Variants in MTG1 observed in about 807,000 individuals in gnomAD.
MTG1 encodes mitochondrial ribosome-associated GTPase 1.
A neutral mutation model predicts 39.5 loss-of-function variants in MTG1; 30 were observed. The observed-to-expected ratio is 0.76, with a 90% CI of 0.57 to 1.03. MTG1 has a LOEUF of 1.03. Among genes scored for constraint, MTG1 ranks in the 50% least tolerant of loss-of-function variants. MTG1 has a pLI of 0.00. For synonymous variants in MTG1, 217 were observed against 179.0 expected, an observed-to-expected ratio of 1.21 and a Z score of -1.69; for missense variants, 513 against 447.4, an observed-to-expected ratio of 1.15 and a Z score of -1.32.
intron 9 of MTG1, among the ~76,000 whole-genome samples, chr10:133,411,501 TTTTTCTG>T (rs1850045896): frequency 2.0e-5 from 3 of 152,280 alleles, no homozygotes; most frequent in Admixed American, 6.5e-5. Context: ...GGTTTGAAAA[TTTTTCTG>T]TAATTATTTC....
Position 133,408,747 on chromosome 10 carries a change from T to G in MTG1, c.752+5974T>G, listed in dbSNP as rs574551271. Among the ~76,000 whole-genome samples, 3 of 152,338 alleles carry G rather than the reference T, an allele frequency of 2.0e-5. No homozygotes were observed. The East Asian group carries it at 5.8e-4, about 29-fold the overall frequency. ...TTACTTATTATCGATCTGTTCAAGT[T>G]TTTCCATTTCTTCATGGCTCAGTCT... On this transcript the variant is annotated intron_variant, in intron 9 of 10. Coordinates refer to ENST00000317502, the MANE Select transcript of MTG1 (RefSeq NM_138384.4).
chr10:133,401,405 T>C, intron 6 of MTG1, 124 bp from the exon 7 acceptor site: 1 of 747,106 alleles, frequency 1.3e-6, no homozygotes. Context: ...GCTGGTAAGT[T>C]GTGTTTGTTA....
At chr10:133,401,477 C>CCAG (rs1474503901) in intron 6 of MTG1, 52 bp from the exon 7 acceptor site, 1 of 1,466,674 alleles carries the variant, frequency 6.8e-7, no homozygotes, top group Non-Finnish European at 9.2e-7. Flanking sequence ...ACTTGTTCTG[C>CCAG]AGCTTCTGTG....
intron 9 of MTG1, among the ~76,000 whole-genome samples, chr10:133,408,950 T>C (rs989859883): frequency 1.3e-5 from 2 of 152,180 alleles, no homozygotes; most frequent in African/African-American, 4.8e-5. Flanking sequence ...TCTAGCTAAA[T>C]GTTTGTGGAT....
intron 9 of MTG1, among the ~76,000 whole-genome samples, chr10:133,410,117 C>G (rs1197800001): frequency 6.6e-6 from 1 of 152,134 alleles, no homozygotes; most frequent in Admixed American, 6.5e-5. Context: ...GTGATCATAG[C>G]TCACTGTAGC....
Position 133,421,252 on chromosome 10 carries a change from T to TG in MTG1, c.*1091dup, listed in dbSNP as rs1448030583. On this transcript the variant is annotated 3_prime_UTR_variant, in exon 11 of 11. Transcript: ENST00000317502. Reference sequence around the variant, plus strand: ...GCATCGTGCCATAACCCTGACCGCCTGGGGCAGGAAGTATTCAGGTTGGCT... The same window carrying TG: ...GCATCGTGCCATAACCCTGACCGCCTGGGGGCAGGAAGTATTCAGGTTGGCT... 1.3e-5 allele frequency: 2 copies of TG among 152,826 alleles called. No individual in the cohort carries two copies. The highest frequency in any genetic ancestry group is 2.9e-5 in the Non-Finnish European group (2 of 68,166). 9.5% of individuals were successfully genotyped at this position (152,826 alleles called of 1,614,324 possible).
At chr10:133,396,339 G>C in intron 3 of MTG1, 72 bp downstream of exon 3, 1 of 1,318,344 alleles carries the variant, frequency 7.6e-7, no homozygotes, top group Non-Finnish European at 1.1e-6. Context: ...TCTAACGGAA[G>C]AGTTGCCGGA....
intron 5 of MTG1, 54 bp downstream of exon 5, chr10:133,399,280 GC>G: frequency 1.3e-6 from 2 of 1,587,908 alleles, no homozygotes; most frequent in Non-Finnish European, 1.7e-6. Flanking sequence ...GGATGGGCCA[GC>G]CCCTCCTGCC....
chr10:133,415,288 C>G (rs1390077743), intron 9 of MTG1, among the ~76,000 whole-genome samples: 1 of 152,214 alleles, frequency 6.6e-6, no homozygotes, highest in Non-Finnish European at 1.5e-5. Flanking sequence ...TCCAGGTTTC[C>G]TTCTGGTGTG....
At chr10:133,419,376 G>T (rs1449511936) in intron 9 of MTG1, 104 bp from the exon 10 acceptor site, 10 of 855,378 alleles carry the variant, frequency 1.2e-5, no homozygotes, top group Non-Finnish European at 1.8e-5. Context: ...CACAGGAGGT[G>T]CCTGGCCGTG....
chr10:133,418,076 C>T (rs753275723), intron 9 of MTG1, among the ~76,000 whole-genome samples: 110 of 152,300 alleles, frequency 7.2e-4, no homozygotes, highest in Non-Finnish European at 1.4e-3. Context: ...CAATCTCAGC[C>T]CACTGCAGCC....
chr10:133,398,665 G>T (rs896128052), intron 4 of MTG1, 150 bp downstream of exon 4: 15 of 833,452 alleles, frequency 1.8e-5, no homozygotes, highest in African/African-American at 1.7e-4. Context: ...GCGATCTCCT[G>T]GGGCAAGTGG....
intron 3 of MTG1, among the ~76,000 whole-genome samples, chr10:133,397,783 T>TG (rs1849809452): frequency 6.6e-6 from 1 of 151,570 alleles, no homozygotes; most frequent in Non-Finnish European, 1.5e-5. Flanking sequence ...CAGCCTGTTT[T>TG]TTTTTTTTTT....
Position 133,420,405 on chromosome 10 carries a change from TC to T in MTG1, c.*243del. The T allele has an allele frequency of 2.3e-6, 1 of 439,174 alleles. No homozygotes were observed. The highest frequency in any genetic ancestry group is 4.0e-5 in the Admixed American group (1 of 25,032). 27.2% of individuals were successfully genotyped at this position (439,174 alleles called of 1,614,324 possible). A position where few individuals can be genotyped will look rare whatever the true frequency, so the allele number is the denominator to read the frequency against. ...CTGAGCAGCTCCGCATGCTTGGTTC[TC>T]CCGGAGCTTCCTGCTCAGGCCTCTT... On this transcript the variant is annotated 3_prime_UTR_variant, in exon 11 of 11. Coordinates refer to ENST00000317502, the MANE Select transcript of MTG1 (RefSeq NM_138384.4).
At chr10:133,395,959 C>T (rs1022847400) in intron 2 of MTG1, among the ~76,000 whole-genome samples, 182 bp downstream of exon 2, 1 of 152,144 alleles carries the variant, frequency 6.6e-6, no homozygotes, top group African/African-American at 2.4e-5. Context: ...CATATATCTG[C>T]GTCACTCAAG....
In MTG1 at chr10:133,420,256, A is replaced by G. The variant is rs1207262427; in HGVS notation, c.*91A>G. 1.4e-6 allele frequency: 2 copies of G among 1,444,774 alleles called. No homozygotes were observed. The highest frequency in any genetic ancestry group is 1.8e-6 in the Non-Finnish European group (2 of 1,083,860). The allele number at this position is 1,444,774 out of a possible 1,614,324, so 89.5% of individuals were successfully genotyped here. On this transcript the variant is annotated 3_prime_UTR_variant, in exon 11 of 11. Transcript: ENST00000317502. The stretch of plus-strand genomic sequence containing the variant: ...GCTCAAGACAGCTCACCCGGTCCAG[A>G]AGCTCCATGCTGGTCACTAGGGTGC...
At position 133,421,900 on chromosome 10, in the gene MTG1, C is replaced by CGGGGGGGGGGGGGGGGGGGG. The variant is rs147046336; in HGVS notation, c.*1737_*1738insGGGGGGGGGGGGGGGGGGGG. On this transcript the variant is annotated 3_prime_UTR_variant, in exon 11 of 11. Transcript: ENST00000317502. ...TGGAGAGGGTGAGATCCCAAGGCCA[C>CGGGGGGGGGGGGGGGGGGGG]GGCGGGGGGCAGGGAGAACCCCTCC... 8.6e-6 allele frequency: 1 copy of CGGGGGGGGGGGGGGGGGGGG among 115,848 alleles called. No homozygotes were observed. 7.2% of individuals were successfully genotyped at this position (115,848 alleles called of 1,614,324 possible). A position where few individuals can be genotyped will look rare whatever the true frequency, so the allele number is the denominator to read the frequency against.
chr10:133,402,524 C>A lies in MTG1; in HGVS notation c.671-168C>A. The A allele has an allele frequency of 1.4e-6, 1 of 721,458 alleles. No individual in the cohort carries two copies. The highest frequency in any genetic ancestry group is 2.3e-6 in the Non-Finnish European group (1 of 435,610). The allele number at this position is 721,458 out of a possible 1,614,324, so 44.7% of individuals were successfully genotyped here. A position where few individuals can be genotyped will look rare whatever the true frequency, so the allele number is the denominator to read the frequency against. ...CGCAGGTGCCAGGCAGGAGTGGGGGCCGGGACCACAGCCGAGTGCCGTCCT... is the reference window on the plus strand; with the variant it reads ...CGCAGGTGCCAGGCAGGAGTGGGGGACGGGACCACAGCCGAGTGCCGTCCT... On this transcript the variant is annotated intron_variant, in intron 8 of 10. Transcript: ENST00000317502. This position sits in a 1 kb window ranked among gnomAD's most constrained non-coding sequence, Gnocchi z 4.7.
At chr10:133,416,670 TG>T (rs1850138746) in intron 9 of MTG1, among the ~76,000 whole-genome samples, 1 of 146,524 alleles carries the variant, frequency 6.8e-6, no homozygotes, top group Admixed American at 6.9e-5. Flanking sequence ...TTTTTGTTCT[TG>T]CGATAGTTTA....
Sources: allele counts gnomAD v4.1 joint callset (sites outside exome capture counted in the v4.1 genomes callset), GRCh38; gene constraint gnomAD v4.1.1; non-coding constraint Gnocchi (gnomAD v3.1); transcripts MANE v1.5; gene names NCBI Gene and HGNC (gene_info 2026-07-23, HGNC 2026-07-21).